The following ACTC1 variants were observed in gnomAD, a reference collection of about 807,000 sequenced individuals.
ACTC1 encodes actin alpha cardiac muscle 1.
A neutral mutation model predicts 31.6 loss-of-function variants in ACTC1; 10 were observed. The observed-to-expected ratio is 0.32, with a 90% CI of 0.19 to 0.54. ACTC1 has a LOEUF of 0.54. Ranked by LOEUF, ACTC1 falls within the 20% of genes least tolerant of loss-of-function variation. The pLI, the probability that ACTC1 is intolerant of heterozygous loss-of-function variation, is 0.95. For synonymous variants in ACTC1, 196 were observed against 185.0 expected, an observed-to-expected ratio of 1.06 and a Z score of -0.48; for missense variants, 129 against 506.4, an observed-to-expected ratio of 0.25 and a Z score of 7.15.
At position 34,790,368 on chromosome 15, in the gene ACTC1, A is replaced by T. The variant is rs1242382337; in HGVS notation, c.*44T>A. 6.2e-7 allele frequency: 1 copy of T among 1,611,182 alleles called. No homozygotes were observed. The highest frequency in any genetic ancestry group is 8.5e-7 in the Non-Finnish European group (1 of 1,178,830). ...GGTTTGGAAGACTCCAAGAAGCATA[A>T]TACCGTCATCCTGACTGGAAGGTAG... is the stretch of plus-strand genomic sequence containing the variant. On this transcript the variant is annotated 3_prime_UTR_variant, in exon 7 of 7. Transcript: ENST00000290378.
chr15:34,794,567 T>C (rs1346468686), intron 2 of ACTC1, 113 bp downstream of exon 2: 4 of 1,405,512 alleles, frequency 2.8e-6, no homozygotes, highest in African/African-American at 1.4e-5. Context: ...ATCAGCCTTC[T>C]CTTAATTTGG....
In ACTC1 at chr15:34,791,098, C is replaced by T. The variant is rs752512209; in HGVS notation, c.990+16G>A. 6.3e-7 allele frequency: 1 copy of T among 1,578,576 alleles called. No individual in the cohort carries two copies. The highest frequency in any genetic ancestry group is 8.6e-7 in the Non-Finnish European group (1 of 1,157,186). ...CAAGACTTGCCTCGGATCTCCCACT[C>T]ACAAAAGTTCTTTACCTTAATCTTC... On this transcript the variant is annotated intron_variant, in intron 6 of 6. Transcript: ENST00000290378.
At chr15:34,794,545 G>T in intron 2 of ACTC1, 135 bp downstream of exon 2, 2 of 1,312,504 alleles carry the variant, frequency 1.5e-6, no homozygotes, top group Non-Finnish European at 2.0e-6. Context: ...CCTTGGCTTG[G>T]ATTTGAAGTC....
Position 34,792,672 on chromosome 15 carries a change from A to C in ACTC1, c.455-103T>G. 1 of 1,213,666 alleles carries C rather than the reference A, an allele frequency of 8.2e-7. No individual in the cohort carries two copies. The highest frequency in any genetic ancestry group is 1.9e-4 in the Middle Eastern group (1 of 5,308). 75.2% of individuals were successfully genotyped at this position (1,213,666 alleles called of 1,614,324 possible). A position where few individuals can be genotyped will look rare whatever the true frequency, so the allele number is the denominator to read the frequency against. Reference sequence around the variant, plus strand: ...CCAATCTTGGCTAAGAGATGCTAGCAATGGGCATTGATCCAGATAAAATTA... The same window carrying C: ...CCAATCTTGGCTAAGAGATGCTAGCCATGGGCATTGATCCAGATAAAATTA... On this transcript the variant is annotated intron_variant, in intron 3 of 6. Transcript: ENST00000290378. The surrounding 1 kb of genome is among the most constrained non-coding windows in gnomAD (Gnocchi z 5.3).
chr15:34,793,539 A>T lies in ACTC1; in HGVS notation c.160T>A (p.Ser54Thr), dbSNP rs1478666795. The T allele has an allele frequency of 1.2e-6, 2 of 1,614,114 alleles. No individual in the cohort carries two copies. The highest frequency in any genetic ancestry group is 1.7e-6 in the Non-Finnish European group (2 of 1,180,020). ...GVMVGMGQKD[S>T]YVGDEAQSKR... The stretch of plus-strand genomic sequence containing the variant: ...CTCTGGGCTTCATCACCTACGTAGG[A>T]GTCCTTCTGACCCATACCCACCATA... Residue 54 changes from serine to threonine, a missense_variant, in exon 3 of 7, where the codon TCC becomes ACC. Ser to Thr is a moderately conservative substitution (Grantham distance 58). Transcript: ENST00000290378. The surrounding 1 kb of genome is among the most constrained non-coding windows in gnomAD (Gnocchi z 4.8).
chr15:34,793,207 TGTGATTCATCA>T lies in ACTC1; in HGVS notation c.454+27_454+37del, dbSNP rs1891743424. The T allele has an allele frequency of 1.2e-5, 20 of 1,602,382 alleles. No homozygotes were observed. The highest frequency in any genetic ancestry group is 1.7e-5 in the Non-Finnish European group (20 of 1,169,686). Reference sequence around the variant, plus strand: ...CACAGCAAGGTCGGTGACTTGGGAATGTGATTCATCAGTAACTGTCCCCAGAGCCCAGCATA... The same window carrying T: ...CACAGCAAGGTCGGTGACTTGGGAATGTAACTGTCCCCAGAGCCCAGCATA... On this transcript the variant is annotated intron_variant, in intron 3 of 6. Transcript: ENST00000290378. This position sits in a 1 kb window ranked among gnomAD's most constrained non-coding sequence, Gnocchi z 4.8.
chr15:34,793,594 T>C lies in ACTC1; in HGVS notation c.130-25A>G, dbSNP rs1356891812. The stretch of plus-strand genomic sequence containing the variant: ...CCTATGAGAAGAAAAAATGAGAAAA[T>C]CATGCTCTCACCATGTCAGGAATAT... On this transcript the variant is annotated intron_variant, in intron 2 of 6. Coordinates refer to ENST00000290378, the MANE Select transcript of ACTC1 (RefSeq NM_005159.5). This position sits in a 1 kb window ranked among gnomAD's most constrained non-coding sequence, Gnocchi z 4.8. 4 of 1,601,354 alleles carry C rather than the reference T, an allele frequency of 2.5e-6. No homozygotes were observed. Among genetic ancestry groups the C allele is most frequent in the Non-Finnish European group, 3.4e-6 (4 of 1,169,104 alleles).
rs1891773623 is a variant in ACTC1 at position 34,794,550 on chromosome 15, G to C, written c.129+130C>G. 2.3e-6 allele frequency: 3 copies of C among 1,332,252 alleles called. No individual in the cohort carries two copies. The Admixed American group carries it at 8.0e-5, about 35-fold the overall frequency. The allele number at this position is 1,332,252 out of a possible 1,614,324, so 82.5% of individuals were successfully genotyped here. A position where few individuals can be genotyped will look rare whatever the true frequency, so the allele number is the denominator to read the frequency against. The stretch of plus-strand genomic sequence containing the variant: ...GTATTGCTTGCCTTGGCTTGGATTT[G>C]AAGTCAATCAGCCTTCTCTTAATTT... On this transcript the variant is annotated intron_variant, in intron 2 of 6. Coordinates refer to ENST00000290378, the MANE Select transcript of ACTC1 (RefSeq NM_005159.5).
intron 5 of ACTC1, 167 bp downstream of exon 5, chr15:34,791,923 T>C (rs1262231857): frequency 5.9e-6 from 4 of 674,998 alleles, no homozygotes; most frequent in Admixed American, 2.5e-5. Flanking sequence ...GAGCAGAACA[T>C]AGACTTCCCC....
At chr15:34,791,649 C>T (rs1177527266) in intron 5 of ACTC1, 1 of 336,478 alleles carries the variant, frequency 3.0e-6, no homozygotes. Context: ...AAATCAGATC[C>T]TGACAAAGTT....
Position 34,792,862 on chromosome 15 carries a change from G to GT in ACTC1, c.455-294dup. 1.9e-6 allele frequency: 1 copy of GT among 515,936 alleles called. No individual in the cohort carries two copies. The highest frequency in any genetic ancestry group is 2.1e-5 in the South Asian group (1 of 47,578). 32.0% of individuals were successfully genotyped at this position (515,936 alleles called of 1,614,324 possible). A position where few individuals can be genotyped will look rare whatever the true frequency, so the allele number is the denominator to read the frequency against. On this transcript the variant is annotated intron_variant, in intron 3 of 6. Coordinates refer to ENST00000290378, the MANE Select transcript of ACTC1 (RefSeq NM_005159.5). The surrounding 1 kb of genome is among the most constrained non-coding windows in gnomAD (Gnocchi z 5.3). ...GCACATTATGTAAGCACCCAAGGGT[G>GT]TTTTTCTTTGCTCCTATTGAACTTA...
Position 34,793,421 on chromosome 15 carries a change from T to C in ACTC1, c.278A>G (p.Tyr93Cys), listed in dbSNP as rs1595761404. 6.2e-7 allele frequency: 1 copy of C among 1,614,160 alleles called. No individual in the cohort carries two copies. The change falls in exon 3 of 7, where the codon TAC becomes TGC. Residue 93 changes from tyrosine (Y) to cysteine (C), a missense_variant. Physicochemically the swap from Tyr to Cys is radical, Grantham distance 194. Around this residue, in one of 5 missense-constraint regions of ACTC1, gnomAD observed 35 missense variants for 102.3 expected, o/e 0.34. Transcript: ENST00000290378. This position sits in a 1 kb window ranked among gnomAD's most constrained non-coding sequence, Gnocchi z 4.8. The stretch of plus-strand genomic sequence containing the variant: ...CTCGGGAGCCACACGGAGCTCATTG[T>C]AGAAGGTGTGGTGCCAGATCTTCTC... ...DMEKIWHHTFYNELRVAPEEH... is the reference protein window; with the variant it reads ...DMEKIWHHTFCNELRVAPEEH...
rs553652706 is a variant in ACTC1, at chr15:34,790,296, C to T, written c.*116G>A. The T allele has an allele frequency of 4.6e-5, 61 of 1,329,156 alleles. No homozygotes were observed. Among genetic ancestry groups the T allele is most frequent in the South Asian group, 3.3e-4 (28 of 84,900 alleles). The allele number at this position is 1,329,156 out of a possible 1,614,324, so 82.3% of individuals were successfully genotyped here. The stretch of plus-strand genomic sequence containing the variant: ...ATATTAGAAGCACAAACAAATTGCA[C>T]GTGTGTAAACAAACTGTACAATGAT... On this transcript the variant is annotated 3_prime_UTR_variant, in exon 7 of 7. Coordinates refer to ENST00000290378, the MANE Select transcript of ACTC1 (RefSeq NM_005159.5).
rs151321743 is a variant in ACTC1 at position 34,790,493 on chromosome 15, C to T, written c.1053G>A (p.Leu351=). ...VWIGGSILAS[L]STFQQMWISK... ...TAATCCACATTTGCTGGAAGGTGGA[C>T]AGAGAGGCCAGGATGGAGCCCCCAA... is the stretch of plus-strand genomic sequence containing the variant. Residue 351 remains leucine (L), a synonymous_variant, in exon 7 of 7, where the codon CTG becomes CTA. Transcript: ENST00000290378. The T allele has an allele frequency of 4.3e-6, 7 of 1,614,012 alleles. No individual in the cohort carries two copies. The highest frequency in any genetic ancestry group is 5.1e-6 in the Non-Finnish European group (6 of 1,180,024).
chr15:34,791,737 T>C (rs1401917359), intron 5 of ACTC1: 2 of 374,632 alleles, frequency 5.3e-6, no homozygotes, highest in South Asian at 2.8e-5. Flanking sequence ...AGGAATGTTA[T>C]TGCATTTAAT....
rs1723346407 is a variant in ACTC1 at position 34,793,854 on chromosome 15, A to G, written c.130-285T>C. Among the ~76,000 whole-genome samples the G allele has an allele frequency of 1.3e-5, 2 of 152,234 alleles. No homozygotes were observed. The highest frequency in any genetic ancestry group is 1.9e-4 in the East Asian group (1 of 5,206). ...AGCCTCACCTCACCTTAAAAATATC[A>G]TATGCCTTCATTAAGTTATTAAGCT... On this transcript the variant is annotated intron_variant, in intron 2 of 6. Coordinates refer to ENST00000290378, the MANE Select transcript of ACTC1 (RefSeq NM_005159.5). This position sits in a 1 kb window ranked among gnomAD's most constrained non-coding sequence, Gnocchi z 4.8.
At position 34,792,051 on chromosome 15, in the gene ACTC1, A is replaced by T. The variant is rs757146524; in HGVS notation, c.808+39T>A. ...TACTCTGGGAGACCCTAAGATTTCC[A>T]GGGAAAATCGTGCCTCTGCACCAGA... On this transcript the variant is annotated intron_variant, in intron 5 of 6. Coordinates refer to ENST00000290378, the MANE Select transcript of ACTC1 (RefSeq NM_005159.5). The surrounding 1 kb of genome is among the most constrained non-coding windows in gnomAD (Gnocchi z 5.3). 1 of 1,609,632 alleles carries T rather than the reference A, an allele frequency of 6.2e-7. No individual in the cohort carries two copies. Among genetic ancestry groups the T allele is most frequent in the Non-Finnish European group, 8.5e-7 (1 of 1,176,680 alleles).
rs1891726942 is a variant in ACTC1 at position 34,792,578 on chromosome 15, G to A, written c.455-9C>T. ...AGAGTCCAGAACAATGCCTGCCCGG[G>A]GAAGTAGACAAGAACAAGGTAAATT... is the stretch of plus-strand genomic sequence containing the variant. On this transcript the variant is annotated splice_polypyrimidine_tract_variant and intron_variant, in intron 3 of 6. Coordinates refer to ENST00000290378, the MANE Select transcript of ACTC1 (RefSeq NM_005159.5). This position sits in a 1 kb window ranked among gnomAD's most constrained non-coding sequence, Gnocchi z 5.3. 2 of 1,614,030 alleles carry A rather than the reference G, an allele frequency of 1.2e-6. No individual in the cohort carries two copies. Among genetic ancestry groups the A allele is most frequent in the Non-Finnish European group, 1.7e-6 (2 of 1,180,030 alleles).
At chr15:34,790,685 C>T in intron 6 of ACTC1, 130 bp from the exon 7 acceptor site, 1 of 1,021,946 alleles carries the variant, frequency 9.8e-7, no homozygotes, top group Non-Finnish European at 1.5e-6. Context: ...TATGTCATAC[C>T]ACGAAATAAT....
Sources: gnomAD v4.1 joint callset for allele counts (sites outside exome capture counted in the v4.1 genomes callset) on GRCh38, gnomAD v4.1.1 for gene constraint, gnomAD v4.1.1 regional missense constraint, Gnocchi (gnomAD v3.1) non-coding constraint, MANE v1.5 for transcripts, NCBI Gene and HGNC (gene_info 2026-07-23, HGNC 2026-07-21) for gene names.